Variants in MYO9B observed in about 807,000 individuals in gnomAD.
MYO9B encodes the protein myosin IXB.
MYO9B carries 71 observed loss-of-function variants against 229.5 expected under a neutral mutation model. That is an observed-to-expected ratio of 0.31 (90% confidence interval 0.26 to 0.38). MYO9B has a LOEUF of 0.38. Among genes scored for constraint, MYO9B ranks in the 10% least tolerant of loss-of-function variants. The probability of loss-of-function intolerance (pLI) is 1.00; values close to 1 mark genes in which losing one functional copy is unlikely to be tolerated. For missense variants in MYO9B, 2,255 were observed against 2,920.5 expected (o/e 0.77, Z 5.25); for synonymous variants, 1,185 against 1,235.8 (o/e 0.96, Z 0.86).
At chr19:17,206,224 A>AGTGGGGC in intron 32 of MYO9B, 24 bp from the exon 33 acceptor site, 1 of 1,563,278 alleles carries the variant, frequency 6.4e-7, no homozygotes, top group South Asian at 1.2e-5. Flanking sequence ...GCCGCTCACC[A>AGTGGGGC]GACCCACCCC....
intron 2 of MYO9B, among the ~76,000 whole-genome samples, chr19:17,121,806 T>TA (rs202111635): frequency 0.012 from 1,809 of 152,064 alleles, 46 homozygotes; most frequent in African/African-American, 0.04. Flanking sequence ...GGAAACATGG[T>TA]AAAACCCCAT....
chr19:17,185,441 G>T (rs2072907684), intron 17 of MYO9B, among the ~76,000 whole-genome samples: 1 of 151,488 alleles, frequency 6.6e-6, no homozygotes, highest in South Asian at 2.1e-4. Context: ...AGCTCCTTGG[G>T]AGGCTGAGGC....
chr19:17,146,501 A>G (rs2072413059), intron 3 of MYO9B, among the ~76,000 whole-genome samples: 1 of 150,920 alleles, frequency 6.6e-6, no homozygotes, highest in Non-Finnish European at 1.5e-5. Flanking sequence ...ATAGAATCAT[A>G]GGTAGGTGGA....
chr19:17,133,252 G>A (rs772644969), intron 2 of MYO9B, among the ~76,000 whole-genome samples: 5 of 152,120 alleles, frequency 3.3e-5, no homozygotes, highest in Admixed American at 6.6e-5. Flanking sequence ...ATTAACGTAC[G>A]CGTTACCTGA....
chr19:17,203,791 C>T (rs80243139), intron 30 of MYO9B, among the ~76,000 whole-genome samples: 6,471 of 152,088 alleles, frequency 0.043, 180 homozygotes, highest in Non-Finnish European at 0.064. Context: ...TCTGCAGCCT[C>T]CTCTCCTCGT....
chr19:17,091,800 C>T lies in MYO9B; in HGVS notation c.-58-9860C>T, dbSNP rs116214647. Among the ~76,000 whole-genome samples the T allele has an allele frequency of 7.7e-3, 1,173 of 152,298 alleles. 16 individuals carry two copies. The highest frequency in any genetic ancestry group is 0.026 in the African/African-American group (1,084 of 41,568). On this transcript the variant is annotated intron_variant, in intron 1 of 39. Coordinates refer to ENST00000682292, the MANE Select transcript of MYO9B (RefSeq NM_004145.4). ...CCTGCAGCCCTGGCTGCTCAGCAGC[C>T]GCCTTGAGCAAGCCCTTATCCACTT...
At chr19:17,174,466 C>A (rs1198765788) in intron 13 of MYO9B, among the ~76,000 whole-genome samples, 1 of 151,754 alleles carries the variant, frequency 6.6e-6, no homozygotes, top group Non-Finnish European at 1.5e-5. Context: ...GAAAGCCCAT[C>A]TCTACTAAAA....
chr19:17,123,786 G>A (rs1450373182), intron 2 of MYO9B, among the ~76,000 whole-genome samples: 1 of 152,160 alleles, frequency 6.6e-6, no homozygotes, highest in Non-Finnish European at 1.5e-5. Context: ...AGGCAAGGAT[G>A]TTAAGACGCC....
At chr19:17,155,550 G>A (rs1301744836) in intron 6 of MYO9B, among the ~76,000 whole-genome samples, 1 of 152,166 alleles carries the variant, frequency 6.6e-6, no homozygotes. Context: ...GGCCAAGGCA[G>A]GAAGATCGCT....
Position 17,200,816 on chromosome 19 carries a change from T to C in MYO9B, c.4550T>C (p.Phe1517Ser). The C allele has an allele frequency of 6.2e-7, 1 of 1,613,820 alleles. No individual in the cohort carries two copies. The highest frequency in any genetic ancestry group is 8.5e-7 in the Non-Finnish European group (1 of 1,179,720). Residue 1517 changes from phenylalanine to serine, a missense_variant, in exon 26 of 40, where the codon TTC (phenylalanine) becomes TCC (serine). Phe to Ser is a radical substitution (Grantham distance 155). Transcript: ENST00000682292. ...NANELKYLDE[F>S]LLNKINDLRS... is the part of the protein sequence containing the mutation. ...AATGAGCTCAAGTACCTGGACGAGT[T>C]CCTGCTCAACAAGGTGGGATCACTA...
Position 17,137,805 on chromosome 19 carries a change from G to A in MYO9B, c.841-7592G>A, listed in dbSNP as rs147746567. Among the ~76,000 whole-genome samples the A allele has an allele frequency of 4.0e-3, 600 of 151,794 alleles. 4 individuals are homozygous for A. The highest frequency in any genetic ancestry group is 0.013 in the African/African-American group (542 of 41,376). On this transcript the variant is annotated intron_variant, in intron 2 of 39. Transcript: ENST00000682292. ...GTCGCCGAGGCTGGAGTGCAGGGGC[G>A]CAAATGCAGCTGCAGCCTCAACCTC...
intron 1 of MYO9B, among the ~76,000 whole-genome samples, chr19:17,088,616 G>C (rs6512165): frequency 6.6e-6 from 1 of 152,050 alleles, no homozygotes; most frequent in African/African-American, 2.4e-5. Context: ...GTACCAGACC[G>C]TGGTATGAGC....
chr19:17,186,051 A>AG (rs752951283), intron 18 of MYO9B, 50 bp downstream of exon 18: 3 of 1,550,538 alleles, frequency 1.9e-6, no homozygotes, highest in Non-Finnish European at 2.7e-6. Flanking sequence ...CCGGACTCTT[A>AG]GGGGTGTCGG....
At chr19:17,163,587 C>G (rs572658286) in intron 10 of MYO9B, among the ~76,000 whole-genome samples, 1 of 152,022 alleles carries the variant, frequency 6.6e-6, no homozygotes, top group Admixed American at 6.6e-5. Flanking sequence ...AGGCTAGTCT[C>G]GAACTCCTGA....
intron 1 of MYO9B, among the ~76,000 whole-genome samples, chr19:17,079,097 A>G (rs919502921): frequency 1.3e-5 from 2 of 152,146 alleles, no homozygotes; most frequent in Non-Finnish European, 2.9e-5. Flanking sequence ...AAATGACTCC[A>G]GCCATGGCCA....
intron 2 of MYO9B, among the ~76,000 whole-genome samples, chr19:17,112,667 G>C (rs1299155084): frequency 6.6e-6 from 1 of 152,184 alleles, no homozygotes; most frequent in East Asian, 1.9e-4. Flanking sequence ...GGTTTGGGGT[G>C]CTTCGTTCAA....
rs556782141 is a variant in MYO9B, at chr19:17,184,003, A to G, written c.2373+135A>G. 1.4e-4 allele frequency: 128 copies of G among 891,226 alleles called. No individual in the cohort carries two copies. In the African/African-American group the frequency reaches 2.0e-3, roughly 14 times the overall value. The allele number at this position is 891,226 out of a possible 1,614,324, so 55.2% of individuals were successfully genotyped here. The stretch of plus-strand genomic sequence containing the variant: ...TCCCCCTCCCTCCAAGAAAAAAAAA[A>G]TGTTCTCGTGTTGAGATGATTTAGA... On this transcript the variant is annotated intron_variant, in intron 16 of 39. Coordinates refer to ENST00000682292, the MANE Select transcript of MYO9B (RefSeq NM_004145.4).
chr19:17,172,342 C>T lies in MYO9B; in HGVS notation c.1800C>T (p.Pro600=). 6.2e-7 allele frequency: 1 copy of T among 1,613,958 alleles called. No individual in the cohort carries two copies. Among genetic ancestry groups the T allele is most frequent in the East Asian group, 2.2e-5 (1 of 44,880 alleles). ...FYLLDEESNF[P]HATSQTLLAK... ...TTCCATGTTCTGTTCCCAGCTTCCC[C>T]CACGCCACGAGCCAGACCCTGCTGG... The change falls in exon 12 of 40, where the codon CCC becomes CCT. Residue 600 remains proline (P), a synonymous_variant. Transcript: ENST00000682292. The surrounding 1 kb of genome is among the most constrained non-coding windows in gnomAD (Gnocchi z 8.2).
chr19:17,179,420 ATT>A lies in MYO9B; in HGVS notation c.2220-1483_2220-1482del, dbSNP rs747998068. ...TCTTTTTTCTGAGTCGCCCCAACTG[ATT>A]TTTTTTTTTTTTTTTTTTTTTTTAG... On this transcript the variant is annotated intron_variant, in intron 14 of 39. Transcript: ENST00000682292. Among the ~76,000 whole-genome samples, 332 of 86,668 alleles carry A rather than the reference ATT, an allele frequency of 3.8e-3. 2 individuals carry two copies. The highest frequency in any genetic ancestry group is 0.013 in the African/African-American group (243 of 18,808). The allele number at this position is 86,668 out of a possible 152,430, so 56.9% of individuals were successfully genotyped here. A position where few individuals can be genotyped will look rare whatever the true frequency, so the allele number is the denominator to read the frequency against.
Sources: gnomAD v4.1 joint callset for allele counts (sites outside exome capture counted in the v4.1 genomes callset) on GRCh38, gnomAD v4.1.1 for gene constraint, Gnocchi (gnomAD v3.1) non-coding constraint, MANE v1.5 for transcripts, NCBI Gene and HGNC (gene_info 2026-07-23, HGNC 2026-07-21) for gene names.